Variants in NAV3 observed in about 807,000 individuals in gnomAD.
NAV3 encodes neuron navigator 3.
A neutral mutation model predicts 244.7 loss-of-function variants in NAV3; 87 were observed. The observed-to-expected ratio is 0.36, with a 90% CI of 0.30 to 0.42. The LOEUF (loss-of-function observed/expected upper bound fraction) is 0.42. NAV3 is among the 20% of genes least tolerant of loss of function. The pLI is 1.00. For missense variants in NAV3, 2,663 were observed against 2,893.3 expected, an observed-to-expected ratio of 0.92 and a Z score of 1.83; for synonymous variants, 1,126 against 1,042.2, an observed-to-expected ratio of 1.08 and a Z score of -1.55.
intron 2 of NAV3, among the ~76,000 whole-genome samples, chr12:77,712,122 T>G (rs939077892): frequency 6.6e-6 from 1 of 152,184 alleles, no homozygotes; most frequent in African/African-American, 2.4e-5. Flanking sequence ...GATTTTTCAT[T>G]ATTGCATATT....
At chr12:77,818,450 C>T (rs754192589) in intron 2 of NAV3, among the ~76,000 whole-genome samples, 9 of 152,076 alleles carry the variant, frequency 5.9e-5, no homozygotes, top group African/African-American at 1.2e-4. Context: ...CATCCCATCA[C>T]GTTAGAATTA....
intron 9 of NAV3, among the ~76,000 whole-genome samples, chr12:78,047,718 G>A (rs994223687): frequency 5.9e-5 from 9 of 152,108 alleles, no homozygotes; most frequent in Non-Finnish European, 7.4e-5. Context: ...TATCTTTGTG[G>A]TGGTCCCTGT....
intron 12 of NAV3, among the ~76,000 whole-genome samples, chr12:78,082,306 C>A (rs1260926740): frequency 6.6e-6 from 1 of 152,064 alleles, no homozygotes; most frequent in African/African-American, 2.4e-5. Context: ...GGCTTAAGGG[C>A]ACGTATTAAT....
intron 6 of NAV3, among the ~76,000 whole-genome samples, chr12:77,996,927 C>T (rs1872438956): frequency 6.6e-6 from 1 of 152,086 alleles, no homozygotes; most frequent in African/African-American, 2.4e-5. Context: ...ATCATATTTT[C>T]TAAATAGATC....
intron 2 of NAV3, among the ~76,000 whole-genome samples, chr12:77,714,471 C>T (rs1172077713): frequency 1.3e-5 from 2 of 152,080 alleles, no homozygotes; most frequent in African/African-American, 4.8e-5. Context: ...TACAGCCCAT[C>T]AAATCTTTTT....
intron 18 of NAV3, among the ~76,000 whole-genome samples, chr12:78,136,079 C>G (rs1367759015): frequency 6.6e-6 from 1 of 152,092 alleles, no homozygotes; most frequent in Non-Finnish European, 1.5e-5. Flanking sequence ...TCCTGTTTTA[C>G]ATTGTTTTGA....
intron 3 of NAV3, among the ~76,000 whole-genome samples, chr12:77,947,759 T>C: frequency 6.6e-6 from 1 of 152,192 alleles, no homozygotes; most frequent in Middle Eastern, 3.4e-3. Flanking sequence ...CGCAAAAATA[T>C]GTATAAACTA....
At chr12:77,829,042 T>A (rs1299097830), upstream of NAV3, among the ~76,000 whole-genome samples, 2 of 152,220 alleles carry the variant, frequency 1.3e-5, no homozygotes, top group East Asian at 3.9e-4. Context: ...TCAGTTTGAA[T>A]GTTGTATAGT....
chr12:77,863,221 T>C (rs914687520), intron 1 of NAV3, among the ~76,000 whole-genome samples: 4 of 151,904 alleles, frequency 2.6e-5, no homozygotes, highest in African/African-American at 9.7e-5. Flanking sequence ...AATTCTGCCA[T>C]AGATATGCGG....
At chr12:77,898,377 G>A (rs576016419) in intron 1 of NAV3, among the ~76,000 whole-genome samples, 63 of 152,152 alleles carry the variant, frequency 4.1e-4, no homozygotes, top group African/African-American at 1.5e-3. Context: ...AAGAGAAAAT[G>A]AATAAATTTT....
intron 2 of NAV3, among the ~76,000 whole-genome samples, chr12:77,684,260 C>T (rs79280989): frequency 0.043 from 4,556 of 105,238 alleles, 223 homozygotes; most frequent in African/African-American, 0.13. Flanking sequence ...AGTCTTTTGC[C>T]CATTTTTAAC....
At chr12:78,126,107 A>G (rs987399083) in intron 16 of NAV3, among the ~76,000 whole-genome samples, 1 of 152,218 alleles carries the variant, frequency 6.6e-6, no homozygotes, top group East Asian at 1.9e-4. Context: ...ACTGGCCTCT[A>G]CACAGTATAA....
chr12:77,867,072 A>G (rs1880156808), intron 1 of NAV3, among the ~76,000 whole-genome samples: 1 of 152,214 alleles, frequency 6.6e-6, no homozygotes, highest in African/African-American at 2.4e-5. Context: ...GAGTTACTGT[A>G]GTTGATATGT....
At chr12:77,795,239 A>G (rs1871353716) in intron 2 of NAV3, among the ~76,000 whole-genome samples, 1 of 152,222 alleles carries the variant, frequency 6.6e-6, no homozygotes, top group South Asian at 2.1e-4. Flanking sequence ...TTGCTGGTCT[A>G]GATAGATCAA....
rs376860951 is a variant in NAV3, at chr12:78,144,084, A to AT, written c.4684-2280dup. Among the ~76,000 whole-genome samples the AT allele has an allele frequency of 1.3e-3, 191 of 152,296 alleles. 2 individuals are homozygous for AT. Among genetic ancestry groups the AT allele is most frequent in the African/African-American group, 4.1e-3 (171 of 41,578 alleles). ...TAGCCTTGTCCTGTTAGGCATTTAA[A>AT]TTTTTGATCCCTGCAATAGATGTTT... On this transcript the variant is annotated intron_variant, in intron 20 of 39. Transcript: ENST00000397909.
At chr12:77,746,393 T>C (rs1338919759) in intron 2 of NAV3, among the ~76,000 whole-genome samples, 2 of 152,092 alleles carry the variant, frequency 1.3e-5, no homozygotes, top group Admixed American at 6.6e-5. Context: ...CTGTTTCGTA[T>C]AAACAGTGAT....
At chr12:77,909,715 T>C (rs773107240) in intron 1 of NAV3, among the ~76,000 whole-genome samples, 12 of 152,094 alleles carry the variant, frequency 7.9e-5, no homozygotes, top group Admixed American at 1.3e-4. Flanking sequence ...TAAATGCTTC[T>C]TCATGGATGC....
chr12:78,158,805 G>A (rs1308701832), intron 22 of NAV3, among the ~76,000 whole-genome samples: 1 of 152,100 alleles, frequency 6.6e-6, no homozygotes, highest in Non-Finnish European at 1.5e-5. Flanking sequence ...TAAAAATGAG[G>A]AATATTTGTC....
chr12:77,862,857 G>A (rs1036531789), intron 1 of NAV3, among the ~76,000 whole-genome samples: 19 of 151,398 alleles, frequency 1.3e-4, no homozygotes, highest in African/African-American at 3.4e-4. Context: ...CCTGAATAGG[G>A]AAAGGATGAA....
Sources: gnomAD v4.1 joint callset for allele counts (sites outside exome capture counted in the v4.1 genomes callset) on GRCh38, gnomAD v4.1.1 for gene constraint, MANE v1.5 for transcripts, NCBI Gene and HGNC (gene_info 2026-07-23, HGNC 2026-07-21) for gene names.